KCNB2: variants seen among roughly 807,000 people sequenced by gnomAD.
The protein encoded by KCNB2 is potassium voltage-gated channel subfamily B member 2, also known as delayed rectifier potassium channel protein.
A neutral mutation model predicts 61.5 loss-of-function variants in KCNB2; 15 were observed. The ratio of observed to expected loss-of-function variants is 0.24; its 90% CI spans 0.16 to 0.38. The LOEUF (loss-of-function observed/expected upper bound fraction) is 0.38, where lower values mean the gene tolerates loss of function less well. Among genes scored for constraint, KCNB2 ranks in the 10% least tolerant of loss-of-function variants. The pLI, the probability that KCNB2 is intolerant of heterozygous loss-of-function variation, is 1.00. For synonymous variants in KCNB2, 457 were observed against 446.0 expected (o/e 1.02, Z -0.31); for missense variants, 828 against 1,125.2 (o/e 0.74, Z 3.78).
intron 2 of KCNB2, among the ~76,000 whole-genome samples, chr8:72,921,123 A>G (rs1806513149): frequency 1.3e-5 from 2 of 152,098 alleles, no homozygotes. Flanking sequence ...ATGAATCATC[A>G]AAGTGTAATA....
Position 72,540,720 on chromosome 8 carries a change from C to T in KCNB2, c.-94+2835C>T, listed in dbSNP as rs550907953. Among the ~76,000 whole-genome samples the T allele has an allele frequency of 5.3e-5, 8 of 152,198 alleles. No individual in the cohort carries two copies. In the East Asian group the frequency reaches 1.3e-3, roughly 26 times the overall value. On this transcript the variant is annotated intron_variant, in intron 1 of 2. Transcript: ENST00000523207. ...TCCCACCAACTCTTTACTGCAAGTACGGGTTGTGAGGCAGAAAGCCATGTG... is the reference window on the plus strand; with the variant it reads ...TCCCACCAACTCTTTACTGCAAGTATGGGTTGTGAGGCAGAAAGCCATGTG...
intron 1 of KCNB2, among the ~76,000 whole-genome samples, chr8:72,553,763 A>G (rs1806380517): frequency 6.6e-6 from 1 of 152,142 alleles, no homozygotes. Flanking sequence ...GTAAACATCT[A>G]TATGAAGCTA....
At chr8:72,826,210 A>T (rs1324892810) in intron 2 of KCNB2, among the ~76,000 whole-genome samples, 1 of 152,154 alleles carries the variant, frequency 6.6e-6, no homozygotes, top group East Asian at 1.9e-4. Context: ...TCAGTACCTC[A>T]GTCATAGCTG....
At chr8:72,857,789 A>G (rs532376858) in intron 2 of KCNB2, among the ~76,000 whole-genome samples, 1 of 152,292 alleles carries the variant, frequency 6.6e-6, no homozygotes, top group South Asian at 2.1e-4. Context: ...AAAACCTATT[A>G]TTTTCAGGCT....
At chr8:72,641,923 A>G (rs775623627) in intron 2 of KCNB2, among the ~76,000 whole-genome samples, 4 of 152,176 alleles carry the variant, frequency 2.6e-5, no homozygotes, top group Non-Finnish European at 5.9e-5. Context: ...TAACAGCTAC[A>G]TATGTGTGCC....
At chr8:72,550,113 A>G (rs549083510) in intron 1 of KCNB2, among the ~76,000 whole-genome samples, 1 of 152,336 alleles carries the variant, frequency 6.6e-6, no homozygotes, top group East Asian at 1.9e-4. Context: ...CAAGATGACA[A>G]TGGATGATTC....
chr8:72,594,655 C>G (rs534235036), intron 2 of KCNB2, among the ~76,000 whole-genome samples: 1 of 152,126 alleles, frequency 6.6e-6, no homozygotes, highest in Non-Finnish European at 1.5e-5. Context: ...AACACAGCAG[C>G]GCTTTTCCAT....
At chr8:72,714,550 C>A (rs994091149) in intron 2 of KCNB2, among the ~76,000 whole-genome samples, 1 of 152,030 alleles carries the variant, frequency 6.6e-6, no homozygotes, top group African/African-American at 2.4e-5. Flanking sequence ...ATTTCATATC[C>A]AGCCAAATTA....
At chr8:72,592,285 T>A (rs573767483) in intron 2 of KCNB2, among the ~76,000 whole-genome samples, 2 of 152,272 alleles carry the variant, frequency 1.3e-5, no homozygotes, top group South Asian at 4.1e-4. Context: ...TATAGTAGAG[T>A]AAGTGCTTGC....
At chr8:72,873,356 A>G (rs756193411) in intron 2 of KCNB2, among the ~76,000 whole-genome samples, 1 of 152,258 alleles carries the variant, frequency 6.6e-6, no homozygotes, top group African/African-American at 2.4e-5. Flanking sequence ...CAGAAAGGAC[A>G]GAGTCTGAGA....
chr8:72,537,409 G>T lies in KCNB2; in HGVS notation c.-570G>T, dbSNP rs1314995951. Reference sequence around the variant, plus strand: ...CGGCCGCCGCCGCCGCTGCGCCTCGGGCAGCCCCAGCGAGCGGCAACTCCC... The same window carrying T: ...CGGCCGCCGCCGCCGCTGCGCCTCGTGCAGCCCCAGCGAGCGGCAACTCCC... On this transcript the variant is annotated 5_prime_UTR_variant, in exon 1 of 3. Coordinates refer to ENST00000523207, the MANE Select transcript of KCNB2 (RefSeq NM_004770.3). 1 of 152,966 alleles carries T rather than the reference G, an allele frequency of 6.5e-6. No individual in the cohort carries two copies. The highest frequency in any genetic ancestry group is 1.5e-5 in the Non-Finnish European group (1 of 68,310). The allele number at this position is 152,966 out of a possible 1,614,324, so 9.5% of individuals were successfully genotyped here.
At chr8:72,883,398 TG>T (rs1805749934) in intron 2 of KCNB2, among the ~76,000 whole-genome samples, 1 of 152,232 alleles carries the variant, frequency 6.6e-6, no homozygotes, top group South Asian at 2.1e-4. Flanking sequence ...GTCTCTCAGC[TG>T]ACTCAGTGAC....
chr8:72,841,372 C>CTTTTTTTTTTTTTTTTTTTTTTTTT (rs769263287), intron 2 of KCNB2, among the ~76,000 whole-genome samples: 3 of 34,254 alleles, frequency 8.8e-5, no homozygotes, highest in Admixed American at 4.2e-4. Flanking sequence ...TTTTTTTTTT[C>CTTTTTTTTTTTTTTTTTTTTTTTTT]TTTTTTTTTT....
chr8:72,545,474 C>T (rs1563518826), intron 1 of KCNB2, among the ~76,000 whole-genome samples: 1 of 152,138 alleles, frequency 6.6e-6, no homozygotes, highest in Non-Finnish European at 1.5e-5. Flanking sequence ...GATCCATGAT[C>T]AGTGATATTT....
rs974840362 is a variant in KCNB2 at position 72,761,185 on chromosome 8, G to A, written c.580-174750G>A. Among the ~76,000 whole-genome samples the A allele has an allele frequency of 2.0e-5, 3 of 152,128 alleles. No individual in the cohort carries two copies. In the South Asian group the frequency reaches 6.2e-4, roughly 31 times the overall value. ...GACTTACATAGTCCAGAACAGAGGT[G>A]TACTCGGAGGAGATGCTGCCCCACT... On this transcript the variant is annotated intron_variant, in intron 2 of 2. Transcript: ENST00000523207.
chr8:72,651,191 A>T (rs1024428440), intron 2 of KCNB2, among the ~76,000 whole-genome samples: 15 of 152,194 alleles, frequency 9.9e-5, no homozygotes, highest in African/African-American at 3.1e-4. Context: ...GAGTGTGTGC[A>T]TGAGGCATAG....
chr8:72,761,679 C>A (rs1255741097), intron 2 of KCNB2, among the ~76,000 whole-genome samples: 1 of 152,148 alleles, frequency 6.6e-6, no homozygotes, highest in Non-Finnish European at 1.5e-5. Context: ...TTTAGTCAAT[C>A]CTATTTGGAG....
At chr8:72,602,043 C>T in intron 2 of KCNB2, among the ~76,000 whole-genome samples, 1 of 152,100 alleles carries the variant, frequency 6.6e-6, no homozygotes. Flanking sequence ...TCACTGTGTG[C>T]CTGGGTTGCA....
At chr8:72,795,338 A>G (rs893832545) in intron 2 of KCNB2, among the ~76,000 whole-genome samples, 1 of 152,264 alleles carries the variant, frequency 6.6e-6, no homozygotes, top group Non-Finnish European at 1.5e-5. Context: ...AGAAATTTCA[A>G]TCCGTAAAAT....
Sources: gnomAD v4.1 joint callset for allele counts (sites outside exome capture counted in the v4.1 genomes callset) on GRCh38, gnomAD v4.1.1 for gene constraint, MANE v1.5 for transcripts, NCBI Gene and HGNC (gene_info 2026-07-23, HGNC 2026-07-21) for gene names.